The following RNGTT variants were observed in gnomAD, a reference collection of about 807,000 sequenced individuals.
The protein encoded by RNGTT is mRNA-capping enzyme.
Under a neutral mutation model 79.3 loss-of-function variants are expected in RNGTT, and 33 were observed. The observed-to-expected ratio is 0.42, with a 90% CI of 0.32 to 0.56. The LOEUF is 0.56. Among genes scored for constraint, RNGTT ranks in the 20% least tolerant of loss-of-function variants. The pLI, the probability that RNGTT is intolerant of heterozygous loss-of-function variation, is 0.17. For synonymous variants in RNGTT, 222 were observed against 235.9 expected, an observed-to-expected ratio of 0.94 and a Z score of 0.54; for missense variants, 497 against 739.1, an observed-to-expected ratio of 0.67 and a Z score of 3.80.
chr6:88,760,167 T>C (rs1204492915), intron 13 of RNGTT, among the ~76,000 whole-genome samples: 2 of 152,236 alleles, frequency 1.3e-5, no homozygotes, highest in Non-Finnish European at 2.9e-5. Flanking sequence ...CATAAGTAGA[T>C]GTTTTAAAGC....
At chr6:88,680,313 G>A (rs1458407111) in intron 13 of RNGTT, among the ~76,000 whole-genome samples, 2 of 152,132 alleles carry the variant, frequency 1.3e-5, no homozygotes, top group African/African-American at 2.4e-5. Context: ...GGTGATTGTT[G>A]TGAGGTAGTT....
chr6:88,924,514 A>T (rs1026018827), intron 4 of RNGTT, among the ~76,000 whole-genome samples: 2 of 152,164 alleles, frequency 1.3e-5, no homozygotes, highest in Non-Finnish European at 2.9e-5. Flanking sequence ...TTTTTGAGAC[A>T]GAATTCTTGC....
At chr6:88,927,433 C>T (rs112590212) in intron 4 of RNGTT, among the ~76,000 whole-genome samples, 38 of 152,212 alleles carry the variant, frequency 2.5e-4, no homozygotes, top group African/African-American at 8.4e-4. Context: ...GAGGCTGAGG[C>T]GGGCAGATCA....
Position 88,786,012 on chromosome 6 carries a change from T to C in RNGTT, c.1338+15552A>G, listed in dbSNP as rs149770037. Among the ~76,000 whole-genome samples, 6 of 152,236 alleles carry C rather than the reference T, an allele frequency of 3.9e-5. No individual in the cohort carries two copies. The East Asian group carries it at 1.2e-3, about 29-fold the overall frequency. The stretch of plus-strand genomic sequence containing the variant: ...TCTACTACTTGAAAGTAAATAACTC[T>C]AGACTCAATAGAAACAATTATGTTT... On this transcript the variant is annotated intron_variant, in intron 12 of 15. Coordinates refer to ENST00000369485, the MANE Select transcript of RNGTT (RefSeq NM_003800.5).
At chr6:88,954,349 C>A (rs1050691164) in intron 1 of RNGTT, among the ~76,000 whole-genome samples, 1 of 151,804 alleles carries the variant, frequency 6.6e-6, no homozygotes, top group South Asian at 2.1e-4. Flanking sequence ...TTATGTCAGA[C>A]AAAACAAACT....
chr6:88,694,239 C>G (rs938335786), intron 13 of RNGTT, among the ~76,000 whole-genome samples: 2 of 151,982 alleles, frequency 1.3e-5, no homozygotes, highest in Non-Finnish European at 2.9e-5. Context: ...CCTATTAGAA[C>G]TAATAAACAA....
At chr6:88,645,510 G>A (rs375477087) in intron 14 of RNGTT, among the ~76,000 whole-genome samples, 5 of 152,092 alleles carry the variant, frequency 3.3e-5, no homozygotes, top group African/African-American at 4.8e-5. Context: ...CTACTTTAAA[G>A]TTCATATGGA....
At chr6:88,634,631 T>C (rs1773028888) in intron 14 of RNGTT, among the ~76,000 whole-genome samples, 1 of 152,136 alleles carries the variant, frequency 6.6e-6, no homozygotes, top group African/African-American at 2.4e-5. Context: ...ATCCAATAGA[T>C]GACTTAACGA....
At chr6:88,744,834 C>T (rs1777611819) in intron 13 of RNGTT, among the ~76,000 whole-genome samples, 1 of 151,978 alleles carries the variant, frequency 6.6e-6, no homozygotes, top group Non-Finnish European at 1.5e-5. Flanking sequence ...AGATAAATTT[C>T]AAGTATTTGG....
intron 14 of RNGTT, among the ~76,000 whole-genome samples, chr6:88,639,473 T>C (rs1422914925): frequency 1.3e-5 from 2 of 151,438 alleles, no homozygotes; most frequent in African/African-American, 4.9e-5. Context: ...CAAGAAAAAA[T>C]AAGATTTCAC....
chr6:88,828,610 T>C (rs1440752440), intron 11 of RNGTT, among the ~76,000 whole-genome samples: 2 of 152,072 alleles, frequency 1.3e-5, no homozygotes, highest in African/African-American at 4.8e-5. Context: ...TAAAGAAGCA[T>C]GTTCTAACCC....
intron 12 of RNGTT, among the ~76,000 whole-genome samples, chr6:88,800,153 G>A (rs1044883257): frequency 7.9e-5 from 12 of 152,044 alleles, no homozygotes; most frequent in African/African-American, 2.4e-4. Context: ...TATTACACAC[G>A]TAAAGATATA....
At chr6:88,747,410 T>A (rs1003518987) in intron 13 of RNGTT, among the ~76,000 whole-genome samples, 1 of 152,188 alleles carries the variant, frequency 6.6e-6, no homozygotes, top group African/African-American at 2.4e-5. Flanking sequence ...TACGCTTTAA[T>A]CTAGGAAGCA....
At chr6:88,940,857 A>T (rs1011727200) in intron 2 of RNGTT, among the ~76,000 whole-genome samples, 23 of 152,170 alleles carry the variant, frequency 1.5e-4, no homozygotes, top group African/African-American at 5.5e-4. Context: ...ATCAATGTCA[A>T]TTTCCTGCTT....
intron 1 of RNGTT, among the ~76,000 whole-genome samples, chr6:88,958,585 T>C (rs886394785): frequency 2.6e-5 from 4 of 152,016 alleles, no homozygotes; most frequent in Non-Finnish European, 4.4e-5. Context: ...AAAGAAGATA[T>C]ACAGTTGGCC....
chr6:88,751,738 G>T (rs530007520), intron 13 of RNGTT, among the ~76,000 whole-genome samples: 5 of 152,042 alleles, frequency 3.3e-5, no homozygotes, highest in African/African-American at 1.2e-4. Context: ...TATGTTATAT[G>T]GGCATTTAAA....
intron 2 of RNGTT, among the ~76,000 whole-genome samples, chr6:88,930,721 T>C (rs1263342737): frequency 6.6e-6 from 1 of 152,054 alleles, no homozygotes; most frequent in Non-Finnish European, 1.5e-5. Context: ...TAAAAATACA[T>C]TTCCGGTAAG....
intron 11 of RNGTT, among the ~76,000 whole-genome samples, chr6:88,830,462 C>T (rs1187278597): frequency 1.3e-5 from 2 of 152,106 alleles, no homozygotes; most frequent in Non-Finnish European, 2.9e-5. Flanking sequence ...TAAATGCACA[C>T]AGGAGAAAGC....
intron 1 of RNGTT, among the ~76,000 whole-genome samples, chr6:88,953,816 C>G (rs959747442): frequency 1.3e-5 from 2 of 152,186 alleles, no homozygotes; most frequent in African/African-American, 2.4e-5. Context: ...GGGGTCCCAT[C>G]TTTAGTTTCC....
Sources: gnomAD v4.1 joint callset for allele counts (sites outside exome capture counted in the v4.1 genomes callset) on GRCh38, gnomAD v4.1.1 for gene constraint, MANE v1.5 for transcripts, NCBI Gene and HGNC (gene_info 2026-07-23, HGNC 2026-07-21) for gene names.